Variants in IL19 observed in about 807,000 individuals in gnomAD.
IL19 encodes interleukin-19.
A neutral mutation model predicts 19.5 loss-of-function variants in IL19; 15 were observed. The observed-to-expected ratio is 0.77, with a 90% CI of 0.52 to 1.19. The LOEUF is 1.19. Among genes scored for constraint, IL19 ranks in the 50% most tolerant of loss-of-function variants. The pLI is 0.00. For synonymous variants in IL19, 78 were observed against 78.3 expected, an observed-to-expected ratio of 1.00 and a Z score of 0.02; for missense variants, 199 against 213.1, an observed-to-expected ratio of 0.93 and a Z score of 0.41.
At chr1:206,771,519 A>G (rs1674841787) in intron 1 of IL19, 1 of 952,108 alleles carries the variant, frequency 1.1e-6, no homozygotes, top group Non-Finnish European at 1.7e-6. Context: ...TTTAAATAAA[A>G]TTGGCTCTGG....
rs114150539 is a variant in IL19 at position 206,839,861 on chromosome 1, G to C, written c.222G>C (p.Val74=). ...ETLQIIKPLD[V]CCVTKNLLAF... ...ATTTGTGTTTGTAGCCCTTAGATGT[G>C]TGCTGCGTGACCAAGAACCTCCTGG... Residue 74 remains valine (V), a synonymous_variant, in exon 5 of 7, where the codon GTG becomes GTC. Transcript: ENST00000659997. The C allele has an allele frequency of 3.4e-4, 555 of 1,613,580 alleles. 3 individuals carry two copies. In the African/African-American group the frequency reaches 6.6e-3, roughly 19 times the overall value.
At position 206,832,134 on chromosome 1, in the gene IL19, C is replaced by T. The variant is rs79414031; in HGVS notation, c.-2-4527C>T. The stretch of plus-strand genomic sequence containing the variant: ...CAAGGGTGGGAGTAGGGGAGATTCC[C>T]GAGGTCAAGAGTAGCTCTTTGCACC... On this transcript the variant is annotated intron_variant, in intron 2 of 6. Coordinates refer to ENST00000659997, the MANE Select transcript of IL19 (RefSeq NM_153758.5). Among the ~76,000 whole-genome samples the T allele has an allele frequency of 9.6e-3, 1,463 of 152,322 alleles. 25 individuals carry two copies. Among genetic ancestry groups the T allele is most frequent in the African/African-American group, 0.034 (1,401 of 41,560 alleles).
chr1:206,779,581 G>A (rs765290604), intron 1 of IL19, among the ~76,000 whole-genome samples: 2 of 152,080 alleles, frequency 1.3e-5, no homozygotes, highest in East Asian at 1.9e-4. Context: ...TCTCTAGACC[G>A]TTCTCCACGT....
chr1:206,830,674 G>A (rs1190277389), intron 2 of IL19, among the ~76,000 whole-genome samples: 1 of 151,996 alleles, frequency 6.6e-6, no homozygotes, highest in Non-Finnish European at 1.5e-5. Flanking sequence ...TGCCTCCCGG[G>A]TTCATGCCAT....
At chr1:206,802,065 G>A (rs1675723400) in intron 2 of IL19, among the ~76,000 whole-genome samples, 1 of 152,180 alleles carries the variant, frequency 6.6e-6, no homozygotes, top group Non-Finnish European at 1.5e-5. Context: ...AGCACAGGGG[G>A]CTCCCAGCAT....
chr1:206,791,004 T>C (rs1444642339), intron 1 of IL19, among the ~76,000 whole-genome samples: 1 of 152,214 alleles, frequency 6.6e-6, no homozygotes, highest in African/African-American at 2.4e-5. Flanking sequence ...GGTGCCTGTG[T>C]GTGTAAGGCA....
At chr1:206,805,890 G>A (rs1460506156) in intron 2 of IL19, among the ~76,000 whole-genome samples, 5 of 152,202 alleles carry the variant, frequency 3.3e-5, no homozygotes, top group African/African-American at 1.2e-4. Context: ...AACAAAAAAG[G>A]AATTTTGCTG....
intron 2 of IL19, among the ~76,000 whole-genome samples, chr1:206,803,937 A>G (rs193117289): frequency 2.4e-4 from 36 of 152,356 alleles, no homozygotes; most frequent in African/African-American, 8.7e-4. Flanking sequence ...GCTCTAGGAA[A>G]TAGCACTTGG....
chr1:206,841,855 T>C (rs1677028775), intron 6 of IL19, among the ~76,000 whole-genome samples: 1 of 152,246 alleles, frequency 6.6e-6, no homozygotes, highest in Admixed American at 6.5e-5. Context: ...CTGCATTGGA[T>C]ACATTAAGAA....
intron 2 of IL19, among the ~76,000 whole-genome samples, chr1:206,821,231 T>C (rs577939597): frequency 6.6e-6 from 1 of 152,336 alleles, no homozygotes; most frequent in South Asian, 2.1e-4. Flanking sequence ...TGACAGGTTC[T>C]GGAAGTTAAA....
chr1:206,840,907 G>T (rs1676994352), intron 5 of IL19, 97 bp from the exon 6 acceptor site: 4 of 948,496 alleles, frequency 4.2e-6, no homozygotes, highest in African/African-American at 1.6e-5. Flanking sequence ...CACTGTGGGA[G>T]GGAGGAGAAA....
intron 2 of IL19, among the ~76,000 whole-genome samples, chr1:206,823,411 T>C (rs1220797531): frequency 6.6e-6 from 1 of 151,782 alleles, no homozygotes; most frequent in Non-Finnish European, 1.5e-5. Flanking sequence ...AAAAATTAGC[T>C]GGGCGTGGTG....
intron 2 of IL19, among the ~76,000 whole-genome samples, chr1:206,826,778 C>G (rs75343928): frequency 0.011 from 1,728 of 152,336 alleles, 33 homozygotes; most frequent in African/African-American, 0.039. Flanking sequence ...AGGACACTCT[C>G]AAGCCATCCT....
intron 2 of IL19, among the ~76,000 whole-genome samples, chr1:206,831,438 C>A (rs1402695940): frequency 6.6e-6 from 1 of 152,074 alleles, no homozygotes; most frequent in Admixed American, 6.6e-5. Flanking sequence ...GAATTGCAAT[C>A]CTGGGAAAGA....
At chr1:206,833,468 T>C (rs937826010) in intron 2 of IL19, among the ~76,000 whole-genome samples, 3 of 152,260 alleles carry the variant, frequency 2.0e-5, no homozygotes, top group African/African-American at 7.2e-5. Context: ...CGACTCCATT[T>C]AGGTTTGGCC....
chr1:206,786,637 G>C (rs577292474), intron 1 of IL19, among the ~76,000 whole-genome samples: 3 of 152,286 alleles, frequency 2.0e-5, no homozygotes, highest in Admixed American at 1.3e-4. Flanking sequence ...GCCAGAACTT[G>C]CTTCTCTATT....
chr1:206,781,719 G>A lies in IL19; in HGVS notation c.-149+10641G>A, dbSNP rs142979994. On this transcript the variant is annotated intron_variant, in intron 1 of 6. Transcript: ENST00000659997. ...GGGAGAAGGGAAAGGGAGTGGGTGC[G>A]AGCAACTGCGTCCAGCCTTGCCCCC... Among the ~76,000 whole-genome samples the A allele has an allele frequency of 6.7e-3, 1,018 of 151,432 alleles. 9 individuals carry two copies. The highest frequency in any genetic ancestry group is 0.023 in the African/African-American group (958 of 41,212).
At chr1:206,826,085 C>G (rs1356195035) in intron 2 of IL19, among the ~76,000 whole-genome samples, 1 of 152,106 alleles carries the variant, frequency 6.6e-6, no homozygotes, top group Non-Finnish European at 1.5e-5. Flanking sequence ...CAGAGTGGCC[C>G]AAACAATCTA....
chr1:206,827,486 C>A (rs1027581766), intron 2 of IL19, among the ~76,000 whole-genome samples: 3 of 152,012 alleles, frequency 2.0e-5, no homozygotes, highest in African/African-American at 7.2e-5. Context: ...GTCAGGAGAT[C>A]GAGACCATCC....
Sources: allele counts gnomAD v4.1 joint callset (sites outside exome capture counted in the v4.1 genomes callset), GRCh38; gene constraint gnomAD v4.1.1; transcripts MANE v1.5; gene names NCBI Gene and HGNC (gene_info 2026-07-23, HGNC 2026-07-21).